KCNQ1: variants seen among roughly 807,000 people sequenced by gnomAD.
The protein encoded by KCNQ1 is potassium voltage-gated channel subfamily Q member 1, also known as potassium voltage-gated channel subfamily KQT member 1.
A neutral mutation model predicts 72.4 loss-of-function variants in KCNQ1; 49 were observed. The ratio of observed to expected loss-of-function variants is 0.68; its 90% confidence interval spans 0.54 to 0.86. KCNQ1 has a LOEUF of 0.86. Ranked by LOEUF, KCNQ1 falls within the 40% of genes least tolerant of loss-of-function variation. The probability of loss-of-function intolerance (pLI) is 0.00; values close to 1 mark genes in which losing one functional copy is unlikely to be tolerated. For synonymous variants in KCNQ1, 450 were observed against 412.6 expected (o/e 1.09, Z -1.10); for missense variants, 790 against 945.1 (o/e 0.84, Z 2.15).
Position 2,687,402 on chromosome 11 carries a change from A to G in KCNQ1, c.1514+25321A>G. The G allele has an allele frequency of 2.5e-6, 1 of 398,588 alleles. No homozygotes were observed. Among genetic ancestry groups the G allele is most frequent in the South Asian group, 1.3e-4 (1 of 7,866 alleles). The allele number at this position is 398,588 out of a possible 1,614,324, so 24.7% of individuals were successfully genotyped here. A position where few individuals can be genotyped will look rare whatever the true frequency, so the allele number is the denominator to read the frequency against. On this transcript the variant is annotated intron_variant, in intron 11 of 15. Coordinates refer to ENST00000155840, the MANE Select transcript of KCNQ1 (RefSeq NM_000218.3). This position sits in a 1 kb window ranked among gnomAD's most constrained non-coding sequence, Gnocchi z 5.0. ...GCTGAGCTCTGCTGAAGGATCTGGG[A>G]GGTCAGTAGGCACCTGTGTCCACCC...
chr11:2,563,197 C>T lies in KCNQ1; in HGVS notation c.478-7431C>T, dbSNP rs566142406. ...AACACATTGAACCCCAGAAAATCTT[C>T]GCTATGTTGGAGATTCGCCGGCTGA... On this transcript the variant is annotated intron_variant, in intron 2 of 15. Transcript: ENST00000155840. The surrounding 1 kb of genome is among the most constrained non-coding windows in gnomAD (Gnocchi z 7.4). Among the ~76,000 whole-genome samples the T allele has an allele frequency of 1.8e-4, 27 of 152,226 alleles. No individual in the cohort carries two copies. Among genetic ancestry groups the T allele is most frequent in the East Asian group, 9.7e-4 (5 of 5,180 alleles).
intron 11 of KCNQ1, chr11:2,675,190 A>G (rs1228487802): frequency 1.3e-5 from 5 of 398,486 alleles, no homozygotes; most frequent in Non-Finnish European, 1.8e-5. Context: ...GGGCCCCTCT[A>G]GGTCAATATT....
chr11:2,453,871 G>C (rs546622577), intron 1 of KCNQ1, among the ~76,000 whole-genome samples: 1 of 152,310 alleles, frequency 6.6e-6, no homozygotes, highest in South Asian at 2.1e-4. Context: ...GAGATTTGTG[G>C]AATATTATGC....
rs111430825 is a variant in KCNQ1, at chr11:2,738,495, G to C, written c.1515-30349G>C. 7.2e-4 allele frequency among the ~76,000 whole-genome samples: 109 copies of C among 152,310 alleles called. 1 individual carries two copies. The highest frequency in any genetic ancestry group is 2.5e-3 in the African/African-American group (106 of 41,574). Reference sequence around the variant, plus strand: ...CAGGCTTCTGCTCACCTCTGCTGGGGGCAGAGACCCTGGCCAGAGCCATGG... The same window carrying C: ...CAGGCTTCTGCTCACCTCTGCTGGGCGCAGAGACCCTGGCCAGAGCCATGG... On this transcript the variant is annotated intron_variant, in intron 11 of 15. Transcript: ENST00000155840.
intron 11 of KCNQ1, among the ~76,000 whole-genome samples, chr11:2,705,943 T>C (rs967318021): frequency 9.2e-5 from 14 of 152,038 alleles, no homozygotes; most frequent in Admixed American, 4.6e-4. Context: ...TGGTGAGCAG[T>C]GGGTGCAGAG....
At chr11:2,573,246 G>A (rs1388532152) in intron 6 of KCNQ1, among the ~76,000 whole-genome samples, 1 of 152,170 alleles carries the variant, frequency 6.6e-6, no homozygotes, top group Non-Finnish European at 1.5e-5. Context: ...GAAATCGGAG[G>A]GGTCACTGGA....
Position 2,464,421 on chromosome 11 carries a change from T to A in KCNQ1, c.386+18937T>A, listed in dbSNP as rs2133586758. Among the ~76,000 whole-genome samples the A allele has an allele frequency of 6.6e-6, 1 of 152,308 alleles. No homozygotes were observed. Among genetic ancestry groups the A allele is most frequent in the Middle Eastern group, 3.4e-3 (1 of 294 alleles). ...AGAGGATTCTGGAGTCCCTGGAGTG[T>A]CTTCTGGCATCGCATGGATGAGAAC... On this transcript the variant is annotated intron_variant, in intron 1 of 15. Transcript: ENST00000155840. The surrounding 1 kb of genome is among the most constrained non-coding windows in gnomAD (Gnocchi z 5.0).
rs1848111131 is a variant in KCNQ1, at chr11:2,837,915, C to T, written c.1795-9852C>T. 2.0e-5 allele frequency among the ~76,000 whole-genome samples: 3 copies of T among 152,268 alleles called. No individual in the cohort carries two copies. In the South Asian group the frequency reaches 6.2e-4, roughly 32 times the overall value. On this transcript the variant is annotated intron_variant, in intron 15 of 15. Transcript: ENST00000155840. ...AGCAGGGATGCCTCAAAGGTTCTCG[C>T]CCAGCAAGTGGACATTGTGGTGTGG... is the stretch of plus-strand genomic sequence containing the variant.
chr11:2,753,891 G>T (rs11821325), intron 11 of KCNQ1, among the ~76,000 whole-genome samples: 13,046 of 151,744 alleles, frequency 0.086, 638 homozygotes, highest in Middle Eastern at 0.13. Context: ...GGTTTTTTTT[G>T]TTGTTGTTGT....
In KCNQ1 at chr11:2,826,548, C is replaced by T. The variant is rs1554928969; in HGVS notation, c.1795-21219C>T. ...CCGCCCCCTCCTGCTGCTGCTTCCC[C>T]GAAGGCCTCCCCAGCAGACCTGCAG... On this transcript the variant is annotated intron_variant, in intron 15 of 15. Transcript: ENST00000155840. This position sits in a 1 kb window ranked among gnomAD's most constrained non-coding sequence, Gnocchi z 4.2. 6.6e-6 allele frequency among the ~76,000 whole-genome samples: 1 copy of T among 152,248 alleles called. No individual in the cohort carries two copies. The highest frequency in any genetic ancestry group is 2.4e-5 in the African/African-American group (1 of 41,468).
rs148266527 is a variant in KCNQ1 at position 2,588,809 on chromosome 11, G to A, written c.1348G>A (p.Glu450Lys). 3.1e-6 allele frequency: 5 copies of A among 1,613,332 alleles called. No homozygotes were observed. In the African/African-American group the frequency reaches 5.3e-5, roughly 17 times the overall value. The change falls in exon 10 of 16, where the codon GAG (glutamate) becomes AAG (lysine). Residue 450 changes from glutamate to lysine, a missense_variant. Coordinates refer to ENST00000155840, the MANE Select transcript of KCNQ1 (RefSeq NM_000218.3). This position sits in a 1 kb window ranked among gnomAD's most constrained non-coding sequence, Gnocchi z 5.6. ...CCATATCACGTGCGACCCCCCAGAA[G>A]AGCGGCGGCTGGACCACTTCTCTGT... ...VPHITCDPPE[E>K]RRLDHFSVDG...
intron 1 of KCNQ1, among the ~76,000 whole-genome samples, chr11:2,466,537 G>A (rs1021145308): frequency 2.2e-4 from 33 of 152,080 alleles, no homozygotes; most frequent in African/African-American, 7.5e-4. Flanking sequence ...CGTGGAGTGG[G>A]GTTCAAGATG....
intron 11 of KCNQ1, among the ~76,000 whole-genome samples, chr11:2,733,857 C>CTCTCTCTCTCTCTCTCTCTCTCTCTCT (rs147278439): frequency 1.3e-4 from 10 of 76,364 alleles, no homozygotes; most frequent in African/African-American, 2.4e-4. Context: ...CTCTCTCTCT[C>CTCTCTCTCTCTCTCTCTCTCTCTCTCT]CCCCCCCACT....
At chr11:2,646,406 G>A in intron 10 of KCNQ1, 1 of 398,508 alleles carries the variant, frequency 2.5e-6, no homozygotes, top group African/African-American at 2.1e-5. Flanking sequence ...TTTTCATTGT[G>A]GAAATCTTTC....
At chr11:2,806,912 G>A (rs1000985080) in intron 15 of KCNQ1, among the ~76,000 whole-genome samples, 2 of 152,266 alleles carry the variant, frequency 1.3e-5, no homozygotes, top group Non-Finnish European at 2.9e-5. Context: ...CGAGAGGGAC[G>A]GCACCACCGG....
rs528259274 is a variant in KCNQ1, at chr11:2,818,519, C to T, written c.1795-29248C>T. Among the ~76,000 whole-genome samples the T allele has an allele frequency of 6.6e-6, 1 of 152,282 alleles. No homozygotes were observed. Among genetic ancestry groups the T allele is most frequent in the African/African-American group, 2.4e-5 (1 of 41,546 alleles). ...TGGGAGCTGTCACAGGACTTTGCCA[C>T]CCGGGGTGAGGGGCCTAGAAACCCC... On this transcript the variant is annotated intron_variant, in intron 15 of 15. Coordinates refer to ENST00000155840, the MANE Select transcript of KCNQ1 (RefSeq NM_000218.3). This position sits in a 1 kb window ranked among gnomAD's most constrained non-coding sequence, Gnocchi z 7.2.
At position 2,549,112 on chromosome 11, in the gene KCNQ1, A is replaced by AG. The variant is rs1287809965; in HGVS notation, c.477+21099dup. On this transcript the variant is annotated intron_variant, in intron 2 of 15. Coordinates refer to ENST00000155840, the MANE Select transcript of KCNQ1 (RefSeq NM_000218.3). The surrounding 1 kb of genome is among the most constrained non-coding windows in gnomAD (Gnocchi z 6.2). ...CCCAAGGGAGAGTGGCTGGGTGGAG[A>AG]GGGGGCAGGCTGAGATCTGAGAAGC... Among the ~76,000 whole-genome samples, 1 of 151,902 alleles carries AG rather than the reference A, an allele frequency of 6.6e-6. No homozygotes were observed. The highest frequency in any genetic ancestry group is 2.4e-5 in the African/African-American group (1 of 41,322).
rs1247353305 is a variant in KCNQ1, at chr11:2,803,024, T to C, written c.1794+24987T>C. 6.6e-6 allele frequency among the ~76,000 whole-genome samples: 1 copy of C among 152,128 alleles called. No homozygotes were observed. Among genetic ancestry groups the C allele is most frequent in the Admixed American group, 6.5e-5 (1 of 15,280 alleles). ...CCAGAGGAGCTGGCCCTGGCCACTCTCTCAGAGCAGGAGGTGACATGAAGG... is the reference window on the plus strand; with the variant it reads ...CCAGAGGAGCTGGCCCTGGCCACTCCCTCAGAGCAGGAGGTGACATGAAGG... On this transcript the variant is annotated intron_variant, in intron 15 of 15. Coordinates refer to ENST00000155840, the MANE Select transcript of KCNQ1 (RefSeq NM_000218.3). The surrounding 1 kb of genome is among the most constrained non-coding windows in gnomAD (Gnocchi z 6.4).
At chr11:2,788,240 G>A (rs1444846203) in intron 15 of KCNQ1, among the ~76,000 whole-genome samples, 1 of 151,438 alleles carries the variant, frequency 6.6e-6, no homozygotes, top group Non-Finnish European at 1.5e-5. Context: ...CCCCTGCCTC[G>A]AGTCCCCAGA....
Sources: allele counts gnomAD v4.1 joint callset (sites outside exome capture counted in the v4.1 genomes callset), GRCh38; gene constraint gnomAD v4.1.1; non-coding constraint Gnocchi (gnomAD v3.1); transcripts MANE v1.5; gene names NCBI Gene and HGNC (gene_info 2026-07-23, HGNC 2026-07-21).